The following SNAI1 variants were observed in gnomAD, a reference collection of about 807,000 sequenced individuals.
SNAI1 encodes the protein snail family transcriptional repressor 1.
SNAI1 carries 15 observed loss-of-function variants against 24.7 expected under a neutral mutation model. The observed-to-expected ratio is 0.61, with a 90% CI of 0.41 to 0.93. The LOEUF (loss-of-function observed/expected upper bound fraction) is 0.93. Among genes scored for constraint, SNAI1 ranks in the 40% least tolerant of loss-of-function variants. The pLI is 0.00. For synonymous variants in SNAI1, 163 were observed against 142.9 expected (o/e 1.14, Z -1.00); for missense variants, 283 against 336.7 (o/e 0.84, Z 1.25).
chr20:49,984,613 T>G (rs1420637049), intron 2 of SNAI1, among the ~76,000 whole-genome samples: 1 of 152,174 alleles, frequency 6.6e-6, no homozygotes, highest in Non-Finnish European at 1.5e-5. Flanking sequence ...ATGGGAAAGG[T>G]GCAACCAACA....
chr20:49,986,787 G>A (rs6020177), intron 2 of SNAI1, among the ~76,000 whole-genome samples: 42,024 of 152,014 alleles, frequency 0.28, 9,580 homozygotes, highest in African/African-American at 0.63. Flanking sequence ...TTGTTTAATG[G>A]GTTACTGTTA....
chr20:49,987,792 G>A (rs750819893), intron 2 of SNAI1, 80 bp from the exon 3 acceptor site: 4 of 1,295,214 alleles, frequency 3.1e-6, no homozygotes, highest in African/African-American at 2.9e-5. Flanking sequence ...TTCAGGGTTT[G>A]GGGTATGCGG....
intron 2 of SNAI1, among the ~76,000 whole-genome samples, chr20:49,985,184 T>C (rs1402647815): frequency 1.3e-5 from 2 of 152,208 alleles, no homozygotes; most frequent in Non-Finnish European, 2.9e-5. Context: ...TGTAAAAAAC[T>C]TTCTGGACAT....
chr20:49,983,952 C>A lies in SNAI1; in HGVS notation c.211C>A (p.Pro71Thr), dbSNP rs1213204124. 4.3e-6 allele frequency: 7 copies of A among 1,613,674 alleles called. No individual in the cohort carries two copies. Among genetic ancestry groups the A allele is most frequent in the Non-Finnish European group, 5.9e-6 (7 of 1,180,004 alleles). Residue 71 changes from proline (P) to threonine (T), a missense_variant, in exon 2 of 3, where the codon CCA becomes ACA. By Grantham distance (38) the Pro-to-Thr change is conservative. Transcript: ENST00000244050. ...WDSVLAPQAQ[P>T]IAWASLRLQE... Reference sequence around the variant, plus strand: ...CTCTGTCCTGGCGCCCCAAGCCCAGCCAATTGCCTGGGCCTCCCTTCGGCT... The same window carrying A: ...CTCTGTCCTGGCGCCCCAAGCCCAGACAATTGCCTGGGCCTCCCTTCGGCT...
At chr20:49,987,637 A>T (rs1222666349) in intron 2 of SNAI1, among the ~76,000 whole-genome samples, 1 of 152,096 alleles carries the variant, frequency 6.6e-6, no homozygotes, top group Non-Finnish European at 1.5e-5. Flanking sequence ...CCCATTTTAC[A>T]GGTGGGAAAA....
At position 49,983,811 on chromosome 20, in the gene SNAI1, T is replaced by G; in HGVS notation, c.83-13T>G. On this transcript the variant is annotated splice_polypyrimidine_tract_variant and intron_variant, in intron 1 of 2. Transcript: ENST00000244050. ...GATTTAATTAACGCCTGACTCTGCTTTTTCTCCCTCAGAGTTTACCTTCCA... is the reference window on the plus strand; with the variant it reads ...GATTTAATTAACGCCTGACTCTGCTGTTTCTCCCTCAGAGTTTACCTTCCA... 6.4e-7 allele frequency: 1 copy of G among 1,564,444 alleles called. No homozygotes were observed.
Position 49,988,134 on chromosome 20 carries a change from A to G in SNAI1, c.*78A>G. ...CCAGCTCCAGCAGGAAGGACCCCACATCCTTCTCACTGCCATGGAATTCCC... is the reference window on the plus strand; with the variant it reads ...CCAGCTCCAGCAGGAAGGACCCCACGTCCTTCTCACTGCCATGGAATTCCC... On this transcript the variant is annotated 3_prime_UTR_variant, in exon 3 of 3. Transcript: ENST00000244050. 7.8e-7 allele frequency: 1 copy of G among 1,277,646 alleles called. No individual in the cohort carries two copies. The highest frequency in any genetic ancestry group is 2.3e-5 in the Admixed American group (1 of 44,182). 79.1% of individuals were successfully genotyped at this position (1,277,646 alleles called of 1,614,324 possible).
intron 2 of SNAI1, among the ~76,000 whole-genome samples, chr20:49,984,655 C>T (rs1379782074): frequency 1.3e-5 from 2 of 152,196 alleles, no homozygotes; most frequent in Non-Finnish European, 2.9e-5. Context: ...TGAAGGGGCC[C>T]ACCCGGCCAC....
rs1215903717 is a variant in SNAI1, at chr20:49,984,349, C to G, written c.608C>G (p.Thr203Ser). The G allele has an allele frequency of 6.3e-7, 1 of 1,595,396 alleles. No homozygotes were observed. Among genetic ancestry groups the G allele is most frequent in the Admixed American group, 1.8e-5 (1 of 56,756 alleles). Residue 203 changes from threonine to serine, a missense_variant and splice_region_variant, in exon 2 of 3, where the codon ACT (threonine) becomes AGT (serine). By Grantham distance (58) the Thr-to-Ser change is moderately conservative. Coordinates refer to ENST00000244050, the MANE Select transcript of SNAI1 (RefSeq NM_005985.4). ...WLLQGHVRTHTGEKPFSCPHC... is the reference protein window; with the variant it reads ...WLLQGHVRTHSGEKPFSCPHC... ...CTACAAGGCCATGTCCGGACCCACA[C>G]TGGTACGTGCCCCTCCAGGCGCCCC...
intron 2 of SNAI1, among the ~76,000 whole-genome samples, chr20:49,986,831 GA>G (rs1365778599): frequency 6.6e-6 from 1 of 151,862 alleles, no homozygotes; most frequent in Non-Finnish European, 1.5e-5. Context: ...GCATCCCCCA[GA>G]AAAAAACAAA....
Position 49,983,991 on chromosome 20 carries a change from A to C in SNAI1, c.250A>C (p.Arg84=), listed in dbSNP as rs1265434888. 2 of 1,613,440 alleles carry C rather than the reference A, an allele frequency of 1.2e-6. No homozygotes were observed. The highest frequency in any genetic ancestry group is 4.5e-5 in the East Asian group (2 of 44,828). The change falls in exon 2 of 3, where the codon AGG becomes CGG. Residue 84 remains arginine (R), a synonymous_variant. Transcript: ENST00000244050. ...CTCCCTTCGGCTCCAGGAGAGTCCC[A>C]GGGTGGCAGAGCTGACCTCCCTGTC... ...WASLRLQESP[R]VAELTSLSDE... is the part of the protein sequence containing the mutation.
chr20:49,983,290 TG>T lies in SNAI1; in HGVS notation c.82+152del. On this transcript the variant is annotated intron_variant, in intron 1 of 2. Coordinates refer to ENST00000244050, the MANE Select transcript of SNAI1 (RefSeq NM_005985.4). ...TTGCGGGCTCGGGAGACCGGGCAAG[TG>T]GGTCCCCAGTTCCGGGGATCTGTCT... 4.4e-6 allele frequency: 3 copies of T among 682,910 alleles called. No individual in the cohort carries two copies. The South Asian group carries it at 5.0e-5, about 11-fold the overall frequency. 42.3% of individuals were successfully genotyped at this position (682,910 alleles called of 1,614,324 possible).
At chr20:49,985,066 G>A (rs1038055952) in intron 2 of SNAI1, among the ~76,000 whole-genome samples, 1 of 152,142 alleles carries the variant, frequency 6.6e-6, no homozygotes, top group Admixed American at 6.5e-5. Context: ...ATACCCGAAC[G>A]GTTCTCAGGT....
At chr20:49,983,709 G>T in intron 1 of SNAI1, 115 bp from the exon 2 acceptor site, 4 of 1,049,914 alleles carry the variant, frequency 3.8e-6, no homozygotes, top group Non-Finnish European at 4.1e-6. Context: ...TAATTTTTTT[G>T]ATCTAATTAT....
In SNAI1 at chr20:49,988,098, G is replaced by T. The variant is rs780507847; in HGVS notation, c.*42G>T. On this transcript the variant is annotated 3_prime_UTR_variant, in exon 3 of 3. Transcript: ENST00000244050. ...TTCCTCTCCATACCTGCCCCTGCCTGACAGCCTTCCCCAGCTCCAGCAGGA... is the reference window on the plus strand; with the variant it reads ...TTCCTCTCCATACCTGCCCCTGCCTTACAGCCTTCCCCAGCTCCAGCAGGA... The T allele has an allele frequency of 6.6e-7, 1 of 1,523,652 alleles. No homozygotes were observed. The highest frequency in any genetic ancestry group is 8.9e-7 in the Non-Finnish European group (1 of 1,124,704). The allele number at this position is 1,523,652 out of a possible 1,614,324, so 94.4% of individuals were successfully genotyped here.
intron 2 of SNAI1, among the ~76,000 whole-genome samples, chr20:49,987,088 T>C (rs986773618): frequency 3.9e-5 from 6 of 152,116 alleles, no homozygotes; most frequent in Non-Finnish European, 8.8e-5. Context: ...TCTTGGGTGA[T>C]AGAAAGGGGC....
chr20:49,983,019 C>T lies in SNAI1; in HGVS notation c.-41C>T, dbSNP rs199824234. On this transcript the variant is annotated 5_prime_UTR_variant, in exon 1 of 3. Transcript: ENST00000244050. ...CGGCCTAGCGAGTGGTTCTTCTGCG[C>T]TACTGCTGCGCGAATCGGCGACCCC... The T allele has an allele frequency of 2.3e-5, 34 of 1,489,044 alleles. No homozygotes were observed. The highest frequency in any genetic ancestry group is 3.1e-5 in the Non-Finnish European group (33 of 1,077,844). The allele number at this position is 1,489,044 out of a possible 1,614,324, so 92.2% of individuals were successfully genotyped here.
chr20:49,983,173 T>C (rs1235542440), intron 1 of SNAI1, 32 bp downstream of exon 1: 5 of 1,563,486 alleles, frequency 3.2e-6, no homozygotes, highest in Non-Finnish European at 4.4e-6. Flanking sequence ...CTCCAGGAGG[T>C]TTGGGGGAGA....
In SNAI1 at chr20:49,983,855, C is replaced by A; in HGVS notation, c.114C>A (p.Ala38=). 6.2e-7 allele frequency: 1 copy of A among 1,609,204 alleles called. No homozygotes were observed. The highest frequency in any genetic ancestry group is 1.1e-5 in the South Asian group (1 of 90,692). The change falls in exon 2 of 3, where the codon GCC becomes GCA. Residue 38 remains alanine (A), a synonymous_variant. Transcript: ENST00000244050. The part of the protein sequence containing the change: ...EFTFQQPYDQ[A]HLLAAIPPPE... ...CCTTCCAGCAGCCCTACGACCAGGC[C>A]CACCTGCTGGCAGCCATCCCACCTC...
Sources: allele counts gnomAD v4.1 joint callset (sites outside exome capture counted in the v4.1 genomes callset), GRCh38; gene constraint gnomAD v4.1.1; transcripts MANE v1.5; gene names NCBI Gene and HGNC (gene_info 2026-07-23, HGNC 2026-07-21).